The following AFF3 variants were observed in gnomAD, a reference collection of about 807,000 sequenced individuals.
The protein encoded by AFF3 is AF4/FMR2 family member 3.
A neutral mutation model predicts 129.7 loss-of-function variants in AFF3; 32 were observed. That is an observed-to-expected ratio of 0.25 (90% CI 0.19 to 0.33). AFF3 has a LOEUF of 0.33. AFF3 is among the 10% of genes least tolerant of loss of function. The probability of loss-of-function intolerance (pLI) is 1.00; values close to 1 mark genes in which losing one functional copy is unlikely to be tolerated. For missense variants in AFF3, 1,373 were observed against 1,592.0 expected (o/e 0.86, Z 2.34); for synonymous variants, 644 against 635.4 (o/e 1.01, Z -0.20).
At chr2:99,926,893 G>T (rs1232159483) in intron 7 of AFF3, among the ~76,000 whole-genome samples, 1 of 151,938 alleles carries the variant, frequency 6.6e-6, no homozygotes, top group Non-Finnish European at 1.5e-5. Flanking sequence ...ACACAATCAG[G>T]ATTTTGCCCC....
chr2:100,118,758 G>C (rs1318637238), intron 2 of AFF3, among the ~76,000 whole-genome samples: 2 of 151,756 alleles, frequency 1.3e-5, no homozygotes, highest in Admixed American at 1.3e-4. Context: ...CAGCCCTTTG[G>C]AATACTTCCT....
intron 7 of AFF3, among the ~76,000 whole-genome samples, chr2:99,924,494 CAG>C (rs1204889067): frequency 6.6e-6 from 1 of 152,198 alleles, no homozygotes; most frequent in Non-Finnish European, 1.5e-5. Context: ...CTAGTCCTCT[CAG>C]AATTCTTTCC....
At chr2:100,049,240 C>A (rs189202504) in intron 4 of AFF3, among the ~76,000 whole-genome samples, 2 of 152,210 alleles carry the variant, frequency 1.3e-5, no homozygotes, top group Admixed American at 6.5e-5. Flanking sequence ...AGTGTGACAC[C>A]GTGTACTTCC....
In AFF3 at chr2:99,601,077, C is replaced by T. The variant is rs574779473; in HGVS notation, c.1371+358G>A. On this transcript the variant is annotated intron_variant, in intron 14 of 24. Coordinates refer to ENST00000672756, the MANE Select transcript of AFF3 (RefSeq NM_001386135.1). ...TTTATGGGTGGTCACACTTCCCAGGCGGTGAGTGGCTCTGTCCAGCGACTG... is the reference window on the plus strand; with the variant it reads ...TTTATGGGTGGTCACACTTCCCAGGTGGTGAGTGGCTCTGTCCAGCGACTG... Among the ~76,000 whole-genome samples, 140 of 152,256 alleles carry T rather than the reference C, an allele frequency of 9.2e-4. 2 individuals carry two copies. In the South Asian group the frequency reaches 0.028, roughly 31 times the overall value.
At chr2:99,639,236 C>T (rs546186855) in intron 13 of AFF3, among the ~76,000 whole-genome samples, 1 of 152,278 alleles carries the variant, frequency 6.6e-6, no homozygotes, top group Admixed American at 6.5e-5. Flanking sequence ...AACTCAATGG[C>T]TTCTCTGGAG....
In AFF3 at chr2:99,667,544, G is replaced by T. The variant is rs77789737; in HGVS notation, c.1143+4994C>A. On this transcript the variant is annotated intron_variant, in intron 12 of 24. Transcript: ENST00000672756. ...GAAACTGAAACAGAAAAAACAAATA[G>T]ATAATATTAATGAAACAACAAGCTA... Among the ~76,000 whole-genome samples the T allele has an allele frequency of 8.9e-3, 1,355 of 152,178 alleles. 18 individuals are homozygous for T. The highest frequency in any genetic ancestry group is 0.031 in the African/African-American group (1,274 of 41,528).
At chr2:100,073,496 C>A (rs984273231) in intron 4 of AFF3, among the ~76,000 whole-genome samples, 2 of 152,326 alleles carry the variant, frequency 1.3e-5, no homozygotes, top group African/African-American at 4.8e-5. Context: ...AGGTGACACA[C>A]ACCTGCTGTT....
At position 100,066,013 on chromosome 2, in the gene AFF3, T is replaced by C. The variant is rs1037155737; in HGVS notation, c.53+38389A>G. Among the ~76,000 whole-genome samples, 6 of 152,236 alleles carry C rather than the reference T, an allele frequency of 3.9e-5. 1 individual carries two copies. The highest frequency in any genetic ancestry group is 3.9e-4 in the Admixed American group (6 of 15,278). Reference sequence around the variant, plus strand: ...TACACTAGTTAAGCAAGAAAAGAAATGAAGAAGGCAATTATATAGTGGTGA... The same window carrying C: ...TACACTAGTTAAGCAAGAAAAGAAACGAAGAAGGCAATTATATAGTGGTGA... On this transcript the variant is annotated intron_variant, in intron 4 of 24. Transcript: ENST00000672756.
intron 8 of AFF3, among the ~76,000 whole-genome samples, chr2:99,817,274 A>G (rs747862410): frequency 6.6e-6 from 1 of 152,202 alleles, no homozygotes; most frequent in Non-Finnish European, 1.5e-5. Context: ...CTGCGAGCCC[A>G]TGTTCAGCCT....
intron 13 of AFF3, among the ~76,000 whole-genome samples, chr2:99,606,682 C>T (rs1189188441): frequency 2.0e-5 from 3 of 151,902 alleles, no homozygotes; most frequent in East Asian, 1.9e-4. Context: ...CTTTGGGAAG[C>T]CGAGGCGGGA....
chr2:99,688,028 G>A (rs1456675191), intron 11 of AFF3, among the ~76,000 whole-genome samples: 2 of 152,130 alleles, frequency 1.3e-5, no homozygotes, highest in African/African-American at 2.4e-5. Flanking sequence ...ATTTTTAGTA[G>A]AGACAGGGTT....
intron 11 of AFF3, among the ~76,000 whole-genome samples, chr2:99,700,362 A>G (rs1357477118): frequency 6.6e-6 from 1 of 152,018 alleles, no homozygotes; most frequent in Non-Finnish European, 1.5e-5. Context: ...CTTGTGATCC[A>G]CCTGCCTTGG....
chr2:99,763,169 C>G (rs1379945569), intron 8 of AFF3, among the ~76,000 whole-genome samples: 1 of 152,206 alleles, frequency 6.6e-6, no homozygotes, highest in African/African-American at 2.4e-5. Context: ...GCCTGTCAAT[C>G]CATTCCTAGC....
chr2:99,978,134 T>C (rs1200999401), intron 7 of AFF3, among the ~76,000 whole-genome samples: 3 of 152,190 alleles, frequency 2.0e-5, no homozygotes, highest in African/African-American at 7.2e-5. Context: ...GGAGGAGAAT[T>C]CCTATTAGGT....
intron 4 of AFF3, among the ~76,000 whole-genome samples, chr2:100,067,146 C>A (rs1687790520): frequency 6.7e-6 from 1 of 148,842 alleles, no homozygotes; most frequent in South Asian, 2.1e-4. Flanking sequence ...CCTTACCTAG[C>A]ACACTTTAAG....
At chr2:99,669,375 T>C (rs188191077) in intron 12 of AFF3, among the ~76,000 whole-genome samples, 1 of 152,280 alleles carries the variant, frequency 6.6e-6, no homozygotes, top group Non-Finnish European at 1.5e-5. Flanking sequence ...TGAAATAGGA[T>C]ACAGCAATGA....
At chr2:99,657,763 A>G (rs1278542246) in intron 12 of AFF3, among the ~76,000 whole-genome samples, 1 of 152,230 alleles carries the variant, frequency 6.6e-6, no homozygotes, top group African/African-American at 2.4e-5. Context: ...AATAAAAAAC[A>G]TTTATTGAGC....
At chr2:99,895,263 C>T in intron 7 of AFF3, among the ~76,000 whole-genome samples, 1 of 152,232 alleles carries the variant, frequency 6.6e-6, no homozygotes, top group East Asian at 1.9e-4. Flanking sequence ...TCTGCAAAGA[C>T]AATGCCTGTG....
At position 99,735,470 on chromosome 2, in the gene AFF3, A is replaced by AT. The variant is rs1680177403; in HGVS notation, c.1040-8343dup. Among the ~76,000 whole-genome samples the AT allele has an allele frequency of 3.3e-5, 5 of 151,692 alleles. No homozygotes were observed. The South Asian group carries it at 6.3e-4, about 19-fold the overall frequency. ...CTTAAGATAGATGCTTAGTTCATTA[A>AT]TTTTTTGTTTGCTAGTATGAGTCAT... is the stretch of plus-strand genomic sequence containing the variant. On this transcript the variant is annotated intron_variant, in intron 10 of 24. Transcript: ENST00000672756.
Sources: allele counts gnomAD v4.1 joint callset (sites outside exome capture counted in the v4.1 genomes callset), GRCh38; gene constraint gnomAD v4.1.1; transcripts MANE v1.5; gene names NCBI Gene and HGNC (gene_info 2026-07-23, HGNC 2026-07-21).